The following GPC6 variants were observed in gnomAD, a reference collection of about 807,000 sequenced individuals.
GPC6 encodes the protein glypican 6.
In GPC6, 14 loss-of-function variants were observed where a neutral mutation model predicts 55.2. The ratio of observed to expected loss-of-function variants is 0.25; its 90% confidence interval spans 0.17 to 0.40. The LOEUF is 0.40. Ranked by LOEUF, GPC6 falls within the 10% of genes least tolerant of loss-of-function variation. The probability of loss-of-function intolerance (pLI) is 1.00; values close to 1 mark genes in which losing one functional copy is unlikely to be tolerated. For synonymous variants in GPC6, 278 were observed against 259.6 expected (o/e 1.07, Z -0.68); for missense variants, 641 against 708.5 (o/e 0.90, Z 1.08).
intron 2 of GPC6, among the ~76,000 whole-genome samples, chr13:93,556,144 A>T (rs533512472): frequency 6.5e-4 from 99 of 152,164 alleles, no homozygotes; most frequent in Non-Finnish European, 4.6e-4. Context: ...AACTCATTTT[A>T]ACTTTTGCAG....
intron 1 of GPC6, among the ~76,000 whole-genome samples, chr13:93,507,394 C>G (rs755674750): frequency 7.9e-5 from 12 of 152,162 alleles, no homozygotes; most frequent in Non-Finnish European, 1.3e-4. Context: ...CTCTTCAAAT[C>G]TTTTAATCAA....
intron 4 of GPC6, among the ~76,000 whole-genome samples, chr13:94,219,688 C>G (rs1890325333): frequency 6.6e-6 from 1 of 152,124 alleles, no homozygotes; most frequent in Non-Finnish European, 1.5e-5. Context: ...CAAAATTGGT[C>G]AGCAAGGAGA....
intron 1 of GPC6, among the ~76,000 whole-genome samples, chr13:93,235,848 G>GC (rs5805796): frequency 0.58 from 88,609 of 151,794 alleles, 26,765 homozygotes; most frequent in African/African-American, 0.72. Context: ...CCAGTGCAGA[G>GC]TCTTGCAGGA....
intron 5 of GPC6, among the ~76,000 whole-genome samples, chr13:94,300,174 A>G (rs1875569254): frequency 6.6e-6 from 1 of 152,164 alleles, no homozygotes; most frequent in Admixed American, 6.5e-5. Flanking sequence ...AAACCACAGG[A>G]GCCGAGACGG....
intron 3 of GPC6, among the ~76,000 whole-genome samples, chr13:93,831,910 G>A (rs1236087987): frequency 6.7e-6 from 1 of 149,388 alleles, no homozygotes; most frequent in East Asian, 2.0e-4. Context: ...CTAACATGGT[G>A]AAACCCCATC....
chr13:93,464,745 A>C (rs555019029), intron 1 of GPC6, among the ~76,000 whole-genome samples: 3 of 152,200 alleles, frequency 2.0e-5, no homozygotes, highest in Non-Finnish European at 4.4e-5. Flanking sequence ...CATGGATCAC[A>C]AATGTTCTTT....
intron 2 of GPC6, among the ~76,000 whole-genome samples, chr13:93,809,076 A>C (rs1156633908): frequency 6.6e-6 from 1 of 152,170 alleles, no homozygotes; most frequent in African/African-American, 2.4e-5. Context: ...TTTTAAGAGA[A>C]CAACAGATTG....
intron 6 of GPC6, among the ~76,000 whole-genome samples, chr13:94,360,850 C>A (rs1404529672): frequency 6.6e-6 from 1 of 152,220 alleles, no homozygotes; most frequent in Non-Finnish European, 1.5e-5. Context: ...TCTGGGCCCC[C>A]ACTGCCAAGG....
intron 1 of GPC6, among the ~76,000 whole-genome samples, chr13:93,466,724 T>C (rs1428460403): frequency 6.6e-6 from 1 of 152,200 alleles, no homozygotes; most frequent in East Asian, 1.9e-4. Flanking sequence ...GGCATGTGTA[T>C]GGAAGAGTCA....
rs78899716 is a variant in GPC6, at chr13:94,037,030, G to A, written c.877+9136G>A. ...TTCTGAGTTGAACATACATAGAAAT[G>A]TATTCCATAGTCCAAAGCCTACTGT... On this transcript the variant is annotated intron_variant, in intron 4 of 8. Coordinates refer to ENST00000377047, the MANE Select transcript of GPC6 (RefSeq NM_005708.5). Among the ~76,000 whole-genome samples, 117 of 152,058 alleles carry A rather than the reference G, an allele frequency of 7.7e-4. 1 individual carries two copies. In the East Asian group the frequency reaches 0.017, roughly 22 times the overall value.
intron 1 of GPC6, among the ~76,000 whole-genome samples, chr13:93,254,949 TA>T: frequency 6.6e-6 from 1 of 152,234 alleles, no homozygotes; most frequent in Admixed American, 6.5e-5. Flanking sequence ...TGAAGGTATT[TA>T]AAACCATGGC....
At chr13:94,093,606 T>C (rs1458321186) in intron 4 of GPC6, among the ~76,000 whole-genome samples, 1 of 152,060 alleles carries the variant, frequency 6.6e-6, no homozygotes, top group Non-Finnish European at 1.5e-5. Context: ...TTCATATAAA[T>C]TTTAGGATTG....
At chr13:94,389,615 C>A (rs915298257) in intron 7 of GPC6, among the ~76,000 whole-genome samples, 1 of 152,064 alleles carries the variant, frequency 6.6e-6, no homozygotes, top group African/African-American at 2.4e-5. Context: ...TCACGCAGAC[C>A]CTTTTTCCAA....
chr13:94,265,745 G>A (rs1891781682), intron 4 of GPC6, among the ~76,000 whole-genome samples: 1 of 152,114 alleles, frequency 6.6e-6, no homozygotes, highest in Non-Finnish European at 1.5e-5. Flanking sequence ...ATAGTATGGG[G>A]CCAAATTACA....
intron 3 of GPC6, among the ~76,000 whole-genome samples, chr13:93,943,359 G>A (rs539523043): frequency 1.5e-4 from 23 of 152,200 alleles, no homozygotes; most frequent in African/African-American, 3.9e-4. Context: ...AATGAGATGC[G>A]TACCCAAGAA....
intron 2 of GPC6, among the ~76,000 whole-genome samples, chr13:93,738,593 G>A (rs1356658666): frequency 6.6e-6 from 1 of 152,042 alleles, no homozygotes; most frequent in Non-Finnish European, 1.5e-5. Flanking sequence ...AATCCTCATG[G>A]TTAACATTAT....
chr13:93,985,689 C>CAAAAAAAAAAAAAAAA (rs34003218), intron 3 of GPC6, among the ~76,000 whole-genome samples: 1 of 69,398 alleles, frequency 1.4e-5, no homozygotes, highest in Non-Finnish European at 2.5e-5. Context: ...AAGACCTGGC[C>CAAAAAAAAAAAAAAAA]AAAAAAAAAA....
At chr13:94,350,161 T>C (rs1878474953) in intron 6 of GPC6, among the ~76,000 whole-genome samples, 1 of 152,060 alleles carries the variant, frequency 6.6e-6, no homozygotes, top group African/African-American at 2.4e-5. Context: ...TCCAACTTCA[T>C]ACAGCCTGAT....
intron 3 of GPC6, among the ~76,000 whole-genome samples, chr13:94,019,819 G>A (rs72645905): frequency 0.14 from 21,754 of 152,094 alleles, 1,774 homozygotes; most frequent in Middle Eastern, 0.26. Flanking sequence ...ACTGTTCATA[G>A]CATTTTTATA....
Sources: gnomAD v4.1 joint callset for allele counts (sites outside exome capture counted in the v4.1 genomes callset) on GRCh38, gnomAD v4.1.1 for gene constraint, MANE v1.5 for transcripts, NCBI Gene and HGNC (gene_info 2026-07-23, HGNC 2026-07-21) for gene names.